WWC1: variants seen among roughly 807,000 people sequenced by gnomAD.
WWC1 encodes the protein protein KIBRA.
In WWC1, 55 loss-of-function variants were observed where a neutral mutation model predicts 138.4. That is an observed-to-expected ratio of 0.40 (90% CI 0.32 to 0.50). The LOEUF (loss-of-function observed/expected upper bound fraction) is 0.50, where lower values mean the gene tolerates loss of function less well. Among genes scored for constraint, WWC1 ranks in the 20% least tolerant of loss-of-function variants. The pLI is 0.72. For missense variants in WWC1, 1,226 were observed against 1,420.4 expected, an observed-to-expected ratio of 0.86 and a Z score of 2.20; for synonymous variants, 524 against 564.9, an observed-to-expected ratio of 0.93 and a Z score of 1.03.
intron 21 of WWC1, among the ~76,000 whole-genome samples, chr5:168,466,214 G>C (rs370763205): frequency 1.2e-4 from 19 of 152,288 alleles, no homozygotes; most frequent in African/African-American, 4.6e-4. Flanking sequence ...GTAAAAATTT[G>C]AGTTTGGCAC....
At chr5:168,409,889 C>T in intron 7 of WWC1, 33 bp from the exon 8 acceptor site, 2 of 1,612,378 alleles carry the variant, frequency 1.2e-6, no homozygotes, top group African/African-American at 1.3e-5. Context: ...CCACAACAGC[C>T]ACATAATTCC....
At chr5:168,462,817 C>G (rs1756931559) in intron 20 of WWC1, among the ~76,000 whole-genome samples, 1 of 152,228 alleles carries the variant, frequency 6.6e-6, no homozygotes, top group Admixed American at 6.5e-5. Context: ...TGTGTTGTCT[C>G]TACCGCAGCC....
chr5:168,343,764 G>A (rs932824674), intron 1 of WWC1, among the ~76,000 whole-genome samples: 2 of 151,084 alleles, frequency 1.3e-5, no homozygotes, highest in Non-Finnish European at 2.9e-5. Flanking sequence ...GGAGGTTGCA[G>A]TGAGCTGAGA....
intron 19 of WWC1, among the ~76,000 whole-genome samples, chr5:168,458,238 A>G (rs1272784305): frequency 6.6e-6 from 1 of 152,182 alleles, no homozygotes; most frequent in Non-Finnish European, 1.5e-5. Flanking sequence ...ACCCCATTTT[A>G]TAGACACAGA....
In WWC1 at chr5:168,338,670, A is replaced by C. The variant is rs997419904; in HGVS notation, c.120-32754A>C. 2.0e-5 allele frequency among the ~76,000 whole-genome samples: 3 copies of C among 152,078 alleles called. No homozygotes were observed. The South Asian group carries it at 6.2e-4, about 32-fold the overall frequency. On this transcript the variant is annotated intron_variant, in intron 1 of 22. Transcript: ENST00000265293. ...TCAGGTGTTCCACCTTAGCCCCCCAAAGTGCTGGGATGCTGAGTTTACTTT... is the reference window on the plus strand; with the variant it reads ...TCAGGTGTTCCACCTTAGCCCCCCACAGTGCTGGGATGCTGAGTTTACTTT...
intron 1 of WWC1, among the ~76,000 whole-genome samples, chr5:168,354,057 CTTTT>C (rs376967449): frequency 2.1e-5 from 3 of 146,274 alleles, no homozygotes; most frequent in Non-Finnish European, 3.0e-5. Flanking sequence ...TTTTTTCTTT[CTTTT>C]TTTTTTTGAG....
Position 168,371,123 on chromosome 5 carries a change from T to C in WWC1, c.120-301T>C, listed in dbSNP as rs2287706. On this transcript the variant is annotated intron_variant, in intron 1 of 22. Coordinates refer to ENST00000265293, the MANE Select transcript of WWC1 (RefSeq NM_015238.3). ...TTTGCCTGCAAACCCTCAATCAGAG[T>C]TGCAGAAACAGAGGCCCAAAGAAGG... Among the ~76,000 whole-genome samples the C allele has an allele frequency of 1.3e-4, 20 of 152,052 alleles. No homozygotes were observed. The East Asian group carries it at 3.9e-3, about 29-fold the overall frequency.
chr5:168,302,377 A>G (rs72838335), intron 1 of WWC1, among the ~76,000 whole-genome samples: 19,142 of 152,164 alleles, frequency 0.13, 1,672 homozygotes, highest in Non-Finnish European at 0.17. Context: ...CCCTGCTGCA[A>G]TGGGGTGTGC....
intron 19 of WWC1, among the ~76,000 whole-genome samples, chr5:168,458,321 C>T (rs552681002): frequency 2.0e-5 from 3 of 152,334 alleles, no homozygotes; most frequent in African/African-American, 4.8e-5. Context: ...GGGAGTCCAA[C>T]TCCAAAGCCT....
intron 1 of WWC1, among the ~76,000 whole-genome samples, chr5:168,337,158 G>A (rs1405980099): frequency 6.6e-6 from 1 of 152,118 alleles, no homozygotes; most frequent in African/African-American, 2.4e-5. Flanking sequence ...TGGCAGAATC[G>A]TTGGGGTCCT....
chr5:168,386,044 A>C (rs1032174847), intron 3 of WWC1, among the ~76,000 whole-genome samples: 83 of 149,920 alleles, frequency 5.5e-4, no homozygotes, highest in African/African-American at 1.8e-3. Flanking sequence ...GTAATTTTCC[A>C]CCTCAGTGCC....
intron 1 of WWC1, among the ~76,000 whole-genome samples, chr5:168,353,845 T>G (rs1775185814): frequency 6.6e-6 from 1 of 152,216 alleles, no homozygotes; most frequent in African/African-American, 2.4e-5. Flanking sequence ...TTCACCTTTC[T>G]GGGAATCCTG....
At chr5:168,325,879 T>G (rs1772488775) in intron 1 of WWC1, among the ~76,000 whole-genome samples, 1 of 152,188 alleles carries the variant, frequency 6.6e-6, no homozygotes. Context: ...TCTAGATACC[T>G]CATATAAATG....
At chr5:168,347,105 G>T (rs566314308) in intron 1 of WWC1, among the ~76,000 whole-genome samples, 9 of 152,190 alleles carry the variant, frequency 5.9e-5, no homozygotes, top group Non-Finnish European at 1.2e-4. Context: ...TCCTAATAGG[G>T]TCCTTGGATG....
intron 8 of WWC1, among the ~76,000 whole-genome samples, chr5:168,413,163 A>G (rs1780353751): frequency 2.6e-5 from 4 of 152,198 alleles, no homozygotes; most frequent in Non-Finnish European, 5.9e-5. Context: ...GGCCACGTTT[A>G]TGATTTGCAG....
chr5:168,334,225 AAACAAC>A (rs143593638), intron 1 of WWC1, among the ~76,000 whole-genome samples: 16,617 of 151,136 alleles, frequency 0.11, 1,225 homozygotes, highest in Non-Finnish European at 0.15. Context: ...TCCTGTCTCA[AAACAAC>A]AACAACAACA....
chr5:168,362,985 T>G (rs1014362176), intron 1 of WWC1, among the ~76,000 whole-genome samples: 1 of 152,052 alleles, frequency 6.6e-6, no homozygotes, highest in Non-Finnish European at 1.5e-5. Flanking sequence ...TGGGAATAAC[T>G]AGGCCAAGAA....
intron 2 of WWC1, among the ~76,000 whole-genome samples, chr5:168,381,949 A>G (rs146694915): frequency 1.1e-4 from 16 of 152,050 alleles, no homozygotes; most frequent in African/African-American, 3.9e-4. Flanking sequence ...GGTAATATCT[A>G]TTAAAATTGT....
intron 15 of WWC1, among the ~76,000 whole-genome samples, chr5:168,440,579 C>T (rs545974807): frequency 7.2e-5 from 11 of 152,248 alleles, no homozygotes; most frequent in Non-Finnish European, 1.2e-4. Flanking sequence ...TGCAATGGCA[C>T]GATCTCATCT....
Sources: allele counts gnomAD v4.1 joint callset (sites outside exome capture counted in the v4.1 genomes callset), GRCh38; gene constraint gnomAD v4.1.1; transcripts MANE v1.5; gene names NCBI Gene and HGNC (gene_info 2026-07-23, HGNC 2026-07-21).